Variants in RBFOX1 observed in about 807,000 individuals in gnomAD.
RBFOX1 encodes RNA binding protein fox-1 homolog 1.
Under a neutral mutation model 57.7 loss-of-function variants are expected in RBFOX1, and 8 were observed. The ratio of observed to expected loss-of-function variants is 0.14; its 90% CI spans 0.08 to 0.25. The LOEUF is 0.25. Among genes scored for constraint, RBFOX1 ranks in the 10% least tolerant of loss-of-function variants. The probability of loss-of-function intolerance (pLI) is 1.00; values close to 1 mark genes in which losing one functional copy is unlikely to be tolerated. For synonymous variants in RBFOX1, 326 were observed against 222.4 expected, an observed-to-expected ratio of 1.47 and a Z score of -4.15; for missense variants, 611 against 548.5, an observed-to-expected ratio of 1.11 and a Z score of -1.14.
chr16:6,550,602 A>G (rs2096972589), intron 2 of RBFOX1, among the ~76,000 whole-genome samples: 1 of 152,238 alleles, frequency 6.6e-6, no homozygotes, highest in South Asian at 2.1e-4. Context: ...CTGGGATTAC[A>G]GGCATGTGCC....
intron 1 of RBFOX1, among the ~76,000 whole-genome samples, chr16:6,164,008 A>AT (rs1313002967): frequency 7.2e-5 from 11 of 152,150 alleles, no homozygotes; most frequent in African/African-American, 2.4e-4. Flanking sequence ...ACAGAGTTAC[A>AT]TTTTTGTGAC....
intron 2 of RBFOX1, among the ~76,000 whole-genome samples, chr16:6,628,899 A>T (rs4786108): frequency 6.6e-6 from 1 of 152,114 alleles, no homozygotes; most frequent in African/African-American, 2.4e-5. Flanking sequence ...GTGTGGTGGC[A>T]TGCGTCTGTA....
At chr16:5,618,019 A>G (rs1022867783) in intron 3 of RBFOX1, among the ~76,000 whole-genome samples, 1 of 152,214 alleles carries the variant, frequency 6.6e-6, no homozygotes, top group African/African-American at 2.4e-5. Context: ...TATAACTTAC[A>G]TAACATAAAT....
At chr16:7,159,307 G>T (rs911346366) in intron 4 of RBFOX1, among the ~76,000 whole-genome samples, 1 of 152,114 alleles carries the variant, frequency 6.6e-6, no homozygotes, top group Non-Finnish European at 1.5e-5. Flanking sequence ...TTGTCACTGC[G>T]TCATGCCTAT....
At chr16:6,742,387 T>G (rs150890249) in intron 3 of RBFOX1, among the ~76,000 whole-genome samples, 386 of 152,270 alleles carry the variant, frequency 2.5e-3, no homozygotes, top group Non-Finnish European at 4.4e-3. Context: ...ATGATGGCAA[T>G]GCAAAATGAC....
intron 4 of RBFOX1, among the ~76,000 whole-genome samples, chr16:7,323,791 A>T (rs2096575968): frequency 6.6e-6 from 1 of 152,242 alleles, no homozygotes. Context: ...GATGAAGAAG[A>T]TGAAGATGTA....
intron 2 of RBFOX1, among the ~76,000 whole-genome samples, chr16:6,541,939 T>A (rs991235827): frequency 6.6e-6 from 1 of 151,032 alleles, no homozygotes; most frequent in South Asian, 2.1e-4. Flanking sequence ...TTGATTTACA[T>A]CTCCCCCTTT....
At chr16:5,591,466 G>A (rs148302683) in intron 2 of RBFOX1, among the ~76,000 whole-genome samples, 1,633 of 152,138 alleles carry the variant, frequency 0.011, 36 homozygotes, top group African/African-American at 0.038. Flanking sequence ...GGCCAGGTTG[G>A]TCTCGTACTC....
chr16:5,660,252 C>G (rs2049601424), intron 3 of RBFOX1, among the ~76,000 whole-genome samples: 1 of 152,122 alleles, frequency 6.6e-6, no homozygotes, highest in Non-Finnish European at 1.5e-5. Context: ...TCAAGCGCCC[C>G]AGTGAGAGAG....
chr16:7,495,571 T>C (rs2068357181), intron 4 of RBFOX1, among the ~76,000 whole-genome samples: 1 of 152,240 alleles, frequency 6.6e-6, no homozygotes, highest in Non-Finnish European at 1.5e-5. Context: ...TCCCTGATGA[T>C]GATTATAAGC....
chr16:6,758,421 C>T (rs2076133765), intron 3 of RBFOX1, among the ~76,000 whole-genome samples: 1 of 152,068 alleles, frequency 6.6e-6, no homozygotes. Context: ...GCAACGGGTG[C>T]TAGAGTTGAC....
intron 5 of RBFOX1, among the ~76,000 whole-genome samples, chr16:7,563,521 G>A (rs2090934823): frequency 6.6e-6 from 1 of 152,174 alleles, no homozygotes; most frequent in African/African-American, 2.4e-5. Context: ...AGGCTGGAGT[G>A]CAATGGCACG....
intron 3 of RBFOX1, among the ~76,000 whole-genome samples, chr16:5,856,284 TACACACAC>T (rs57736862): frequency 0.44 from 37,476 of 85,992 alleles, 10,692 homozygotes; most frequent in East Asian, 0.53. Flanking sequence ...CACATATATA[TACACACAC>T]ACACACACAC....
chr16:7,184,349 A>G (rs538373981), intron 4 of RBFOX1, among the ~76,000 whole-genome samples: 1 of 152,342 alleles, frequency 6.6e-6, no homozygotes, highest in South Asian at 2.1e-4. Context: ...TTAGCTGAAG[A>G]GAGAAAAAAA....
chr16:7,204,242 C>G (rs1257659943), intron 4 of RBFOX1, among the ~76,000 whole-genome samples: 1 of 152,200 alleles, frequency 6.6e-6, no homozygotes, highest in Non-Finnish European at 1.5e-5. Flanking sequence ...GCCTCTATCT[C>G]AGGCCCACCC....
At chr16:5,342,218 C>T (rs370453616) in intron 1 of RBFOX1, among the ~76,000 whole-genome samples, 25 of 152,266 alleles carry the variant, frequency 1.6e-4, no homozygotes, top group African/African-American at 5.8e-4. Context: ...GGGTGACCAC[C>T]AGTTCCAAAG....
intron 8 of RBFOX1, among the ~76,000 whole-genome samples, chr16:7,596,145 A>G (rs1348741488): frequency 1.6e-5 from 1 of 61,000 alleles, no homozygotes; most frequent in Non-Finnish European, 4.6e-5. Flanking sequence ...ACAAAAAAAA[A>G]AACGAGAGGT....
intron 2 of RBFOX1, among the ~76,000 whole-genome samples, chr16:6,424,170 C>G (rs1170787613): frequency 6.6e-6 from 1 of 152,128 alleles, no homozygotes; most frequent in East Asian, 1.9e-4. Context: ...ACCCAGGAGG[C>G]AGAGGTTGCA....
chr16:6,971,873 T>C (rs2085627019), intron 3 of RBFOX1, among the ~76,000 whole-genome samples: 1 of 152,058 alleles, frequency 6.6e-6, no homozygotes, highest in Admixed American at 6.6e-5. Flanking sequence ...CCTGCAGTGA[T>C]CCGCTGGTAC....
Sources: allele counts gnomAD v4.1 joint callset (sites outside exome capture counted in the v4.1 genomes callset), GRCh38; gene constraint gnomAD v4.1.1; transcripts MANE v1.5; gene names NCBI Gene and HGNC (gene_info 2026-07-23, HGNC 2026-07-21).